MAP4: variants seen among roughly 807,000 people sequenced by gnomAD.
MAP4 encodes microtubule associated protein 4.
MAP4 carries 76 observed loss-of-function variants against 170.2 expected under a neutral mutation model. That is an observed-to-expected ratio of 0.45 (90% confidence interval 0.37 to 0.54). MAP4 has a LOEUF of 0.54. Ranked by LOEUF, MAP4 falls within the 20% of genes least tolerant of loss-of-function variation. MAP4 has a pLI of 0.00. For missense variants in MAP4, 2,506 were observed against 2,748.0 expected (o/e 0.91, Z 1.97); for synonymous variants, 909 against 994.5 (o/e 0.91, Z 1.62).
At chr3:47,957,334 A>AT (rs563161992) in intron 3 of MAP4, among the ~76,000 whole-genome samples, 3 of 151,852 alleles carry the variant, frequency 2.0e-5, no homozygotes, top group Admixed American at 6.6e-5. Context: ...TGCCCGGCTA[A>AT]TTTTTTTTGA....
At chr3:47,880,948 T>C (rs1413563666) in intron 10 of MAP4, among the ~76,000 whole-genome samples, 1 of 152,226 alleles carries the variant, frequency 6.6e-6, no homozygotes, top group Non-Finnish European at 1.5e-5. Context: ...CTAGTAGTTC[T>C]ATCAACTGTT....
At chr3:47,856,749 C>T (rs984338536) in intron 18 of MAP4, among the ~76,000 whole-genome samples, 1 of 152,236 alleles carries the variant, frequency 6.6e-6, no homozygotes, top group Non-Finnish European at 1.5e-5. Context: ...GTTTTGCCTT[C>T]ACCTTATCTG....
Position 47,857,433 on chromosome 3 carries a change from G to A in MAP4, c.6581C>T (p.Pro2194Leu), listed in dbSNP as rs757761863. 3 of 1,613,754 alleles carry A rather than the reference G, an allele frequency of 1.9e-6. No homozygotes were observed. In the Admixed American group the frequency reaches 5.0e-5, roughly 27 times the overall value. ...TGGGCAAGGGAGGCACCACTCACCA[G>A]GCTTGTGCTTGATGTTAGCCTTAGA... ...CGSKANIKHK[P>L]GGGDVKIESQ... The change falls in exon 18 of 21, where the codon CCT becomes CTT. Residue 2194 changes from proline (P) to leucine (L), a missense_variant and splice_region_variant. By Grantham distance (98) the Pro-to-Leu change is moderately conservative. Around this residue, in one of 3 missense-constraint regions of MAP4, gnomAD observed 487 missense variants for 511.6 expected, o/e 0.95. Transcript: ENST00000683076.
At chr3:47,973,333 A>C (rs1172768577) in intron 3 of MAP4, 1 of 984,970 alleles carries the variant, frequency 1.0e-6, no homozygotes, top group Non-Finnish European at 1.2e-6. Context: ...AGCAGCCCTG[A>C]CCAGTCTGGC....
At chr3:48,055,790 G>C (rs1282019928) in intron 1 of MAP4, among the ~76,000 whole-genome samples, 5 of 136,826 alleles carry the variant, frequency 3.7e-5, no homozygotes, top group African/African-American at 5.4e-5. Flanking sequence ...ATCACATCTA[G>C]GAAGTGAGGA....
intron 5 of MAP4, among the ~76,000 whole-genome samples, chr3:47,919,475 T>C (rs570094980): frequency 6.6e-6 from 1 of 151,420 alleles, no homozygotes; most frequent in Admixed American, 6.6e-5. Context: ...ACCTGGCTAA[T>C]TTTTTTGTAT....
chr3:48,013,749 G>A (rs1316737183), intron 1 of MAP4, among the ~76,000 whole-genome samples: 1 of 148,340 alleles, frequency 6.7e-6, no homozygotes, highest in Non-Finnish European at 1.5e-5. Flanking sequence ...GGGAGGGACT[G>A]AAAACAAATT....
At chr3:48,016,077 A>G (rs2100107644) in intron 1 of MAP4, among the ~76,000 whole-genome samples, 1 of 152,174 alleles carries the variant, frequency 6.6e-6, no homozygotes, top group Non-Finnish European at 1.5e-5. Context: ...TCATCATAGG[A>G]TTAGCAACAG....
chr3:47,906,204 G>C (rs1465524950), intron 9 of MAP4, among the ~76,000 whole-genome samples: 1 of 151,912 alleles, frequency 6.6e-6, no homozygotes, highest in Non-Finnish European at 1.5e-5. Context: ...GGCCTACAGA[G>C]AGCAATATGG....
chr3:47,960,198 G>C (rs2100070749), intron 3 of MAP4: 1 of 154,554 alleles, frequency 6.5e-6, no homozygotes, highest in African/African-American at 2.4e-5. Flanking sequence ...ACATGCTGCA[G>C]CCATCTTTAA....
chr3:47,931,021 C>T (rs537204930), intron 3 of MAP4, among the ~76,000 whole-genome samples: 2 of 151,790 alleles, frequency 1.3e-5, no homozygotes, highest in Non-Finnish European at 2.9e-5. Context: ...TGAAGCTCAT[C>T]AGTCCTTAGG....
chr3:47,943,092 G>T (rs1349678480), intron 3 of MAP4, among the ~76,000 whole-genome samples: 2 of 151,924 alleles, frequency 1.3e-5, no homozygotes, highest in Non-Finnish European at 2.9e-5. Flanking sequence ...CTGGGCAACA[G>T]ACCAAGACCC....
At chr3:48,074,271 A>G (rs932071010) in intron 1 of MAP4, among the ~76,000 whole-genome samples, 1 of 131,374 alleles carries the variant, frequency 7.6e-6, no homozygotes, top group Non-Finnish European at 1.5e-5. Context: ...GAACACCTGG[A>G]CACAGGGTGG....
At chr3:47,993,415 G>GA (rs2154352918) in intron 2 of MAP4, among the ~76,000 whole-genome samples, 1 of 152,170 alleles carries the variant, frequency 6.6e-6, no homozygotes, top group East Asian at 1.9e-4. Context: ...AATTTGAGAG[G>GA]AAAAAAGAAT....
chr3:47,916,395 T>C lies in MAP4; in HGVS notation c.1432A>G (p.Met478Val). The C allele has an allele frequency of 6.2e-7, 1 of 1,614,158 alleles. No individual in the cohort carries two copies. Among genetic ancestry groups the C allele is most frequent in the Non-Finnish European group, 8.5e-7 (1 of 1,180,016 alleles). ...ATTTCTGTTTCTGGGAGTTGAGCCA[T>C]GTCCTTGACTGGGGCCACCTCTGCT... Reference protein sequence around the residue: ...LEAEVAPVKDMAQLPETEIAP... With the variant: ...LEAEVAPVKDVAQLPETEIAP... Residue 478 changes from methionine to valine, a missense_variant, in exon 7 of 21, where the codon ATG (methionine) becomes GTG (valine). Physicochemically the swap from Met to Val is conservative, Grantham distance 21. Around this residue, in one of 3 missense-constraint regions of MAP4, gnomAD observed 2,008 missense variants for 2,206.0 expected, o/e 0.91. Coordinates refer to ENST00000683076, the MANE Select transcript of MAP4 (RefSeq NM_001385682.1).
chr3:48,078,604 G>A (rs1033180158), intron 1 of MAP4, among the ~76,000 whole-genome samples: 6 of 152,020 alleles, frequency 3.9e-5, no homozygotes, highest in Non-Finnish European at 7.4e-5. Context: ...ACCTTCTAAA[G>A]GTGAAACTTG....
chr3:48,026,726 T>C (rs1326734664), intron 1 of MAP4, among the ~76,000 whole-genome samples: 3 of 152,204 alleles, frequency 2.0e-5, no homozygotes, highest in Admixed American at 6.5e-5. Context: ...GTTATGCCAT[T>C]ATCTTATGCA....
intron 9 of MAP4, among the ~76,000 whole-genome samples, chr3:47,903,219 C>CA (rs1559981387): frequency 1.3e-5 from 2 of 152,108 alleles, no homozygotes; most frequent in Admixed American, 6.5e-5. Context: ...CTTCCCTTCA[C>CA]AAAAAACACA....
intron 5 of MAP4, among the ~76,000 whole-genome samples, chr3:47,919,159 C>T (rs2100041361): frequency 6.6e-6 from 1 of 152,066 alleles, no homozygotes; most frequent in South Asian, 2.1e-4. Flanking sequence ...TCTCGATCTC[C>T]TGACCTCTTG....
Sources: allele counts gnomAD v4.1 joint callset (sites outside exome capture counted in the v4.1 genomes callset), GRCh38; gene constraint gnomAD v4.1.1; regional missense constraint gnomAD v4.1.1; transcripts MANE v1.5; gene names NCBI Gene and HGNC (gene_info 2026-07-23, HGNC 2026-07-21).